The following MAGI2 variants were observed in gnomAD, a reference collection of about 807,000 sequenced individuals.
MAGI2 encodes the protein membrane associated guanylate kinase, WW and PDZ domain containing 2, also known as membrane-associated guanylate kinase, WW and PDZ domain-containing protein 2.
A neutral mutation model predicts 133.3 loss-of-function variants in MAGI2; 35 were observed. The observed-to-expected ratio is 0.26, with a 90% CI of 0.20 to 0.35. The LOEUF is 0.35. Ranked by LOEUF, MAGI2 falls within the 10% of genes least tolerant of loss-of-function variation. The pLI is 1.00. For missense variants in MAGI2, 1,636 were observed against 1,863.4 expected (o/e 0.88, Z 2.25); for synonymous variants, 729 against 710.6 (o/e 1.03, Z -0.41).
chr7:78,886,650 T>C (rs1041268539), intron 2 of MAGI2, among the ~76,000 whole-genome samples: 1 of 152,202 alleles, frequency 6.6e-6, no homozygotes, highest in Non-Finnish European at 1.5e-5. Context: ...CTAGCCCCAT[T>C]TTTATTAATA....
At chr7:79,011,414 G>A (rs1041074979) in intron 1 of MAGI2, among the ~76,000 whole-genome samples, 1 of 152,086 alleles carries the variant, frequency 6.6e-6, no homozygotes, top group African/African-American at 2.4e-5. Flanking sequence ...AAAATTTGAG[G>A]GAGAAACATG....
chr7:79,354,872 C>T (rs1254591134), intron 1 of MAGI2, among the ~76,000 whole-genome samples: 1 of 152,162 alleles, frequency 6.6e-6, no homozygotes, highest in Non-Finnish European at 1.5e-5. Context: ...AACTCCTAAG[C>T]CGCTCCTTAG....
chr7:78,070,556 ATATGTATATATATG>A (rs1563081341), intron 21 of MAGI2, among the ~76,000 whole-genome samples: 1 of 101,786 alleles, frequency 9.8e-6, no homozygotes, highest in African/African-American at 3.9e-5. Context: ...ATATGTGTAT[ATATGTATATATATG>A]TGTGTATATA....
intron 4 of MAGI2, among the ~76,000 whole-genome samples, chr7:78,512,760 C>T (rs1372346596): frequency 6.6e-6 from 1 of 152,126 alleles, no homozygotes; most frequent in Non-Finnish European, 1.5e-5. Context: ...TCGTGCCTCA[C>T]AATTATTTTT....
chr7:78,857,079 T>C (rs1793714747), intron 2 of MAGI2, among the ~76,000 whole-genome samples: 1 of 152,220 alleles, frequency 6.6e-6, no homozygotes, highest in African/African-American at 2.4e-5. Context: ...AAAGGAATGC[T>C]TGTGATTTTT....
At chr7:78,838,739 TA>T (rs1368745532) in intron 2 of MAGI2, among the ~76,000 whole-genome samples, 1 of 152,008 alleles carries the variant, frequency 6.6e-6, no homozygotes, top group African/African-American at 2.4e-5. Context: ...ATTAAAATAA[TA>T]ACAGAAAGAC....
rs1820918505 is a variant in MAGI2 at position 78,125,800 on chromosome 7, G to C, written c.3461C>G (p.Ala1154Gly). 1 of 1,613,958 alleles carries C rather than the reference G, an allele frequency of 6.2e-7. No individual in the cohort carries two copies. Residue 1154 changes from alanine (A) to glycine (G), a missense_variant, in exon 20 of 22, where the codon GCC becomes GGC. Physicochemically the swap from Ala to Gly is moderately conservative, Grantham distance 60 (BLOSUM62 0). This residue lies in a region of MAGI2 where 49 missense variants were observed against 103.8 expected (regional missense o/e 0.47). Transcript: ENST00000354212. ...ACGAATGCTGAATCCAAATCCTTTG[G>C]CTCCTTTCTCCATGTCCACAGTGAA... ...DYFTVDMEKG[A>G]KGFGFSIRGG...
At chr7:78,628,277 T>C (rs1357741418) in intron 2 of MAGI2, among the ~76,000 whole-genome samples, 7 of 102,332 alleles carry the variant, frequency 6.8e-5, no homozygotes, top group Non-Finnish European at 1.3e-4. Flanking sequence ...ATTTACATAA[T>C]GCATACATGC....
chr7:79,010,481 G>A (rs41435246), intron 1 of MAGI2, among the ~76,000 whole-genome samples: 10,068 of 152,072 alleles, frequency 0.066, 362 homozygotes, highest in Non-Finnish European at 0.081. Context: ...GTTCTAAAAA[G>A]TGTACAATAA....
intron 1 of MAGI2, among the ~76,000 whole-genome samples, chr7:79,118,791 C>A (rs191559198): frequency 6.6e-6 from 1 of 152,222 alleles, no homozygotes; most frequent in African/African-American, 2.4e-5. Flanking sequence ...CCCATGACTA[C>A]TCCCCCAAGC....
chr7:78,299,629 T>G (rs1797653030), intron 9 of MAGI2, among the ~76,000 whole-genome samples: 1 of 152,134 alleles, frequency 6.6e-6, no homozygotes, highest in Admixed American at 6.5e-5. Flanking sequence ...TAGGGGTACA[T>G]GTACAAGATG....
At chr7:78,727,912 T>C (rs1376958781) in intron 2 of MAGI2, among the ~76,000 whole-genome samples, 1 of 152,170 alleles carries the variant, frequency 6.6e-6, no homozygotes, top group Non-Finnish European at 1.5e-5. Context: ...GCATATTGTC[T>C]AGTGACTGAG....
At chr7:78,880,221 G>C (rs555107070) in intron 2 of MAGI2, among the ~76,000 whole-genome samples, 1 of 152,030 alleles carries the variant, frequency 6.6e-6, no homozygotes, top group Admixed American at 6.5e-5. Context: ...GAAATACAGA[G>C]AACAATTGTG....
intron 2 of MAGI2, among the ~76,000 whole-genome samples, chr7:78,659,738 T>G (rs371086948): frequency 6.6e-6 from 1 of 152,148 alleles, no homozygotes; most frequent in Non-Finnish European, 1.5e-5. Context: ...GGTCAATATC[T>G]TGGTTGTGAT....
chr7:78,993,752 G>T (rs891518541), intron 2 of MAGI2, among the ~76,000 whole-genome samples: 1 of 151,710 alleles, frequency 6.6e-6, no homozygotes, highest in Non-Finnish European at 1.5e-5. Context: ...CACCTTGCAT[G>T]GTTTTATTAC....
At chr7:78,814,340 T>C (rs1789365436) in intron 2 of MAGI2, among the ~76,000 whole-genome samples, 1 of 152,164 alleles carries the variant, frequency 6.6e-6, no homozygotes. Flanking sequence ...AAAATAAATA[T>C]AATAGCGGTA....
chr7:78,235,317 C>T (rs983089289), intron 10 of MAGI2, among the ~76,000 whole-genome samples: 1 of 152,058 alleles, frequency 6.6e-6, no homozygotes, highest in African/African-American at 2.4e-5. Context: ...GAAATTACTA[C>T]TGTTGATTAG....
intron 3 of MAGI2, among the ~76,000 whole-genome samples, chr7:78,522,567 A>G (rs1796597418): frequency 6.6e-6 from 1 of 152,008 alleles, no homozygotes; most frequent in Admixed American, 6.6e-5. Context: ...TTTAGTAGAG[A>G]TAGGGTTTTG....
chr7:78,176,187 T>A (rs562791665), intron 14 of MAGI2, among the ~76,000 whole-genome samples: 33 of 152,210 alleles, frequency 2.2e-4, no homozygotes, highest in African/African-American at 7.2e-4. Context: ...GATTCTTAAT[T>A]TAGTCTCTGA....
Sources: gnomAD v4.1 joint callset for allele counts (sites outside exome capture counted in the v4.1 genomes callset) on GRCh38, gnomAD v4.1.1 for gene constraint, gnomAD v4.1.1 regional missense constraint, MANE v1.5 for transcripts, NCBI Gene and HGNC (gene_info 2026-07-23, HGNC 2026-07-21) for gene names.